The following SNX8 variants were observed in gnomAD, a reference collection of about 807,000 sequenced individuals.
SNX8 encodes the protein sorting nexin 8, also known as sorting nexin-8.
In SNX8, 25 loss-of-function variants were observed where a neutral mutation model predicts 51.6. The observed-to-expected ratio is 0.48, with a 90% confidence interval of 0.35 to 0.68. The LOEUF (loss-of-function observed/expected upper bound fraction) is 0.68, where lower values mean the gene tolerates loss of function less well. SNX8 is among the 30% of genes least tolerant of loss of function. The pLI, the probability that SNX8 is intolerant of heterozygous loss-of-function variation, is 0.00. For synonymous variants in SNX8, 324 were observed against 277.0 expected (o/e 1.17, Z -1.68); for missense variants, 695 against 624.0 (o/e 1.11, Z -1.21).
chr7:2,268,450 G>A (rs1487411039), intron 5 of SNX8, among the ~76,000 whole-genome samples: 1 of 131,874 alleles, frequency 7.6e-6, no homozygotes, highest in East Asian at 2.4e-4. Context: ...GGAGGGAGGT[G>A]GGGGGGGTCA....
intron 1 of SNX8, among the ~76,000 whole-genome samples, chr7:2,325,821 G>C (rs1411418817): frequency 6.6e-6 from 1 of 151,218 alleles, no homozygotes; most frequent in African/African-American, 2.5e-5. Context: ...AACAGAGCAA[G>C]ACTCTGTCTC....
Position 2,314,365 on chromosome 7 carries a change from C to A in SNX8, c.57G>T (p.Glu19Asp). ...LPAAAVGAAA[E>D]AEADEEADPP... ...GATCCGCCTCCTCGTCAGCCTCCGC[C>A]TCAGCTGCCGCCCCGACTGCAGCCG... is the stretch of plus-strand genomic sequence containing the variant. Residue 19 changes from glutamate (E) to aspartate (D), a missense_variant, in exon 1 of 11, where the codon GAG (glutamate) becomes GAT (aspartate). Transcript: ENST00000222990. 1 of 1,224,014 alleles carries A rather than the reference C, an allele frequency of 8.2e-7. No individual in the cohort carries two copies. Among genetic ancestry groups the A allele is most frequent in the Non-Finnish European group, 1.0e-6 (1 of 982,554 alleles). The allele number at this position is 1,224,014 out of a possible 1,614,324, so 75.8% of individuals were successfully genotyped here.
intron 7 of SNX8, among the ~76,000 whole-genome samples, chr7:2,259,923 G>A (rs1159069304): frequency 2.0e-5 from 3 of 151,620 alleles, no homozygotes; most frequent in African/African-American, 7.3e-5. Context: ...CACATTGGAA[G>A]AAGAAGAATT....
At chr7:2,280,717 C>A (rs935691244) in intron 1 of SNX8, among the ~76,000 whole-genome samples, 1 of 151,624 alleles carries the variant, frequency 6.6e-6, no homozygotes, top group African/African-American at 2.4e-5. Flanking sequence ...TCAAACATCT[C>A]AATAACTTCT....
chr7:2,328,913 G>A (rs1019344533), intron 1 of SNX8, among the ~76,000 whole-genome samples: 21 of 151,992 alleles, frequency 1.4e-4, no homozygotes, highest in Non-Finnish European at 2.6e-4. Context: ...GTGAAACCCC[G>A]TCTCTACTAA....
intron 1 of SNX8, among the ~76,000 whole-genome samples, chr7:2,280,176 C>T (rs1038620440): frequency 6.6e-6 from 1 of 152,184 alleles, no homozygotes; most frequent in African/African-American, 2.4e-5. Flanking sequence ...AAGAAGTCAC[C>T]GTGCACCCTG....
chr7:2,272,101 G>GC, intron 3 of SNX8, 130 bp from the exon 4 acceptor site: 2 of 1,263,270 alleles, frequency 1.6e-6, no homozygotes, highest in Non-Finnish European at 2.2e-6. Flanking sequence ...CACTGGCTGG[G>GC]CCCCCAGTGC....
At chr7:2,332,160 T>G (rs1319030422) in intron 1 of SNX8, among the ~76,000 whole-genome samples, 1 of 151,530 alleles carries the variant, frequency 6.6e-6, no homozygotes, top group Non-Finnish European at 1.5e-5. Flanking sequence ...TGAACCAAGA[T>G]CACACCACTG....
At chr7:2,261,318 A>C (rs904457346) in intron 7 of SNX8, among the ~76,000 whole-genome samples, 11 of 152,234 alleles carry the variant, frequency 7.2e-5, no homozygotes, top group Non-Finnish European at 1.5e-4. Context: ...CTGTAATCCC[A>C]GCTACTGGGG....
Position 2,257,438 on chromosome 7 carries a change from C to G in SNX8, c.1061G>C (p.Arg354Thr). The change falls in exon 9 of 11, where the codon AGG becomes ACG. Residue 354 changes from arginine to threonine, a missense_variant. Physicochemically the swap from Arg to Thr is moderately conservative, Grantham distance 71 (BLOSUM62 -1). Coordinates refer to ENST00000222990, the MANE Select transcript of SNX8 (RefSeq NM_013321.4). Reference protein sequence around the residue: ...RALHKYSLMKRQMMSATAQNR... With the variant: ...RALHKYSLMKTQMMSATAQNR... ...CTGCGCGGTGGCGCTCATCATCTGCCTCTTCATCAGGCTGTACTTGTGCAG... is the reference window on the plus strand; with the variant it reads ...CTGCGCGGTGGCGCTCATCATCTGCGTCTTCATCAGGCTGTACTTGTGCAG... The G allele has an allele frequency of 6.2e-6, 10 of 1,610,684 alleles. No homozygotes were observed. Among genetic ancestry groups the G allele is most frequent in the Non-Finnish European group, 8.5e-6 (10 of 1,179,324 alleles).
intron 1 of SNX8, among the ~76,000 whole-genome samples, chr7:2,353,411 A>G (rs1323616606): frequency 1.3e-5 from 2 of 152,022 alleles, no homozygotes; most frequent in African/African-American, 4.8e-5. Flanking sequence ...CAAAAAAACT[A>G]TAGGATGAAA....
intron 1 of SNX8, among the ~76,000 whole-genome samples, chr7:2,329,936 G>C (rs1367417381): frequency 1.5e-5 from 2 of 129,324 alleles, no homozygotes; most frequent in African/African-American, 5.9e-5. Flanking sequence ...CAAGCAATTC[G>C]CCACTCCACC....
At chr7:2,351,905 GTTTT>G (rs748043966) in intron 1 of SNX8, among the ~76,000 whole-genome samples, 1 of 88,324 alleles carries the variant, frequency 1.1e-5, no homozygotes, top group African/African-American at 3.8e-5. Context: ...GTTGTTGTTG[GTTTT>G]TTTTTTTTTT....
intron 1 of SNX8, among the ~76,000 whole-genome samples, chr7:2,283,723 T>C (rs926294003): frequency 4.6e-5 from 7 of 152,132 alleles, no homozygotes; most frequent in African/African-American, 1.7e-4. Flanking sequence ...CCTGGTGGGC[T>C]CCTTCAAACA....
chr7:2,347,872 G>C (rs1472831838), intron 1 of SNX8, among the ~76,000 whole-genome samples: 1 of 145,284 alleles, frequency 6.9e-6, no homozygotes, highest in Admixed American at 7.2e-5. Flanking sequence ...TGGAACTCCT[G>C]ACCTCAGGTG....
Position 2,314,427 on chromosome 7 carries a change from C to T in SNX8, c.-6G>A, listed in dbSNP as rs1366654930. 2.5e-6 allele frequency: 3 copies of T among 1,213,446 alleles called. No individual in the cohort carries two copies. Among genetic ancestry groups the T allele is most frequent in the East Asian group, 3.3e-5 (1 of 30,122 alleles). The allele number at this position is 1,213,446 out of a possible 1,614,324, so 75.2% of individuals were successfully genotyped here. On this transcript the variant is annotated 5_prime_UTR_variant, in exon 1 of 11. Coordinates refer to ENST00000222990, the MANE Select transcript of SNX8 (RefSeq NM_013321.4). ...TCCATCGCGCGGCCAGTCATGTGAG[C>T]CCGCGCTCCCACGTGACTTCCTCCC...
At chr7:2,271,769 C>T in intron 4 of SNX8, 81 bp downstream of exon 4, 1 of 1,500,254 alleles carries the variant, frequency 6.7e-7, no homozygotes, top group African/African-American at 1.4e-5. Flanking sequence ...GATAAGAAAC[C>T]ACACCTGAGA....
In SNX8 at chr7:2,331,401, A is replaced by C. The variant is rs183574762; in HGVS notation, c.-66+22821T>G. Reference sequence around the variant, plus strand: ...ACTATTGGAAAATAAACTTTAAAAAATACCTATATAAAAAGAATAAATAGG... The same window carrying C: ...ACTATTGGAAAATAAACTTTAAAAACTACCTATATAAAAAGAATAAATAGG... On this transcript the variant is annotated intron_variant, in intron 1 of 5. Transcript: ENST00000435336. 9.2e-5 allele frequency among the ~76,000 whole-genome samples: 14 copies of C among 151,636 alleles called. No homozygotes were observed. The East Asian group carries it at 2.5e-3, about 27-fold the overall frequency.
intron 1 of SNX8, among the ~76,000 whole-genome samples, chr7:2,300,710 T>C (rs1796371468): frequency 6.6e-6 from 1 of 152,132 alleles, no homozygotes; most frequent in Non-Finnish European, 1.5e-5. Flanking sequence ...TGGTGCAATC[T>C]TGGCTCCCTG....
Sources: gnomAD v4.1 joint callset for allele counts (sites outside exome capture counted in the v4.1 genomes callset) on GRCh38, gnomAD v4.1.1 for gene constraint, MANE v1.5 for transcripts, NCBI Gene and HGNC (gene_info 2026-07-23, HGNC 2026-07-21) for gene names.